VTI1A: variants seen among roughly 807,000 people sequenced by gnomAD.
The protein encoded by VTI1A is vesicle transport through interaction with t-SNAREs homolog 1A.
VTI1A carries 22 observed loss-of-function variants against 34.9 expected under a neutral mutation model. The ratio of observed to expected loss-of-function variants is 0.63; its 90% CI spans 0.45 to 0.90. The LOEUF (loss-of-function observed/expected upper bound fraction) is 0.90. Among genes scored for constraint, VTI1A ranks in the 40% least tolerant of loss-of-function variants. The probability of loss-of-function intolerance (pLI) is 0.00; values close to 1 mark genes in which losing one functional copy is unlikely to be tolerated. For missense variants in VTI1A, 268 were observed against 275.6 expected (o/e 0.97, Z 0.20); for synonymous variants, 87 against 97.3 (o/e 0.89, Z 0.62).
rs577697150 is a variant in VTI1A at position 112,533,542 on chromosome 10, C to T, written c.343-4704C>T. On this transcript the variant is annotated intron_variant, in intron 4 of 7. Coordinates refer to ENST00000393077, the MANE Select transcript of VTI1A (RefSeq NM_145206.4). ...ATTCATGTTGCAGTTGATAAAATTA[C>T]GTGAAGAGGTGAGTACTTCCTAGCT... 223 of 1,010,110 alleles carry T rather than the reference C, an allele frequency of 2.2e-4. 1 individual carries two copies. In the African/African-American group the frequency reaches 3.5e-3, roughly 16 times the overall value. 62.6% of individuals were successfully genotyped at this position (1,010,110 alleles called of 1,614,324 possible).
intron 5 of VTI1A, among the ~76,000 whole-genome samples, chr10:112,604,857 T>C (rs988817696): frequency 6.6e-6 from 1 of 152,182 alleles, no homozygotes; most frequent in African/African-American, 2.4e-5. Context: ...CTCACTTAGG[T>C]AAATGAAGTA....
chr10:112,569,118 G>T (rs1273027652), intron 5 of VTI1A, among the ~76,000 whole-genome samples: 3 of 151,680 alleles, frequency 2.0e-5, no homozygotes, highest in Non-Finnish European at 2.9e-5. Context: ...TCGTGCCACT[G>T]CCCTGCAGCG....
intron 5 of VTI1A, among the ~76,000 whole-genome samples, chr10:112,589,500 G>T (rs748093960): frequency 1.1e-4 from 16 of 152,240 alleles, no homozygotes; most frequent in Non-Finnish European, 2.2e-4. Flanking sequence ...GCCCAGTCTT[G>T]GGTATGTCTT....
At chr10:112,721,353 T>TA (rs1404391209) in intron 7 of VTI1A, among the ~76,000 whole-genome samples, 2 of 152,202 alleles carry the variant, frequency 1.3e-5, no homozygotes, top group African/African-American at 2.4e-5. Context: ...ACTTCAGAAG[T>TA]AGAATATATG....
intron 7 of VTI1A, among the ~76,000 whole-genome samples, chr10:112,757,191 A>ACAGT (rs755886313): frequency 6.6e-6 from 1 of 152,068 alleles, no homozygotes; most frequent in Admixed American, 6.6e-5. Context: ...TAGCAGAGAG[A>ACAGT]CAGTCAGTCA....
chr10:112,816,709 T>C lies in VTI1A; in HGVS notation c.*1326T>C, dbSNP rs1343597088. 4.4e-6 allele frequency: 1 copy of C among 226,250 alleles called. No homozygotes were observed. Among genetic ancestry groups the C allele is most frequent in the Admixed American group, 5.7e-5 (1 of 17,548 alleles). 14.0% of individuals were successfully genotyped at this position (226,250 alleles called of 1,614,324 possible). A position where few individuals can be genotyped will look rare whatever the true frequency, so the allele number is the denominator to read the frequency against. ...ACTGGTCCGTACTATCTTTGGAATA[T>C]AATTAGAAGCTTTGAATCCTTGAAA... On this transcript the variant is annotated 3_prime_UTR_variant, in exon 8 of 8. Coordinates refer to ENST00000393077, the MANE Select transcript of VTI1A (RefSeq NM_145206.4).
chr10:112,582,197 TAGAA>T (rs1843973601), intron 5 of VTI1A, among the ~76,000 whole-genome samples: 1 of 152,096 alleles, frequency 6.6e-6, no homozygotes, highest in South Asian at 2.1e-4. Context: ...GTCGTGGAGT[TAGAA>T]AGAGAGAGAA....
chr10:112,627,653 A>G (rs1170295495), intron 5 of VTI1A, among the ~76,000 whole-genome samples: 2 of 152,144 alleles, frequency 1.3e-5, no homozygotes, highest in Non-Finnish European at 2.9e-5. Context: ...GCACACATAC[A>G]TGTGCATATA....
chr10:112,690,670 T>A (rs1051151694), intron 7 of VTI1A, among the ~76,000 whole-genome samples: 2 of 152,210 alleles, frequency 1.3e-5, no homozygotes, highest in African/African-American at 4.8e-5. Flanking sequence ...CTCTCTGAAT[T>A]CGCTTCTTCA....
intron 5 of VTI1A, among the ~76,000 whole-genome samples, chr10:112,627,991 G>A (rs7095271): frequency 0.98 from 149,297 of 152,300 alleles, 73,227 homozygotes; most frequent in East Asian, 1. Flanking sequence ...AGCCCCGCGC[G>A]TGTGTTGGAG....
chr10:112,693,540 T>G (rs545236354), intron 7 of VTI1A, among the ~76,000 whole-genome samples: 1 of 152,178 alleles, frequency 6.6e-6, no homozygotes, highest in South Asian at 2.1e-4. Flanking sequence ...ATATTGAAAC[T>G]CTGTCTAAAA....
chr10:112,632,794 T>C (rs1386752914), intron 5 of VTI1A, among the ~76,000 whole-genome samples: 2 of 152,152 alleles, frequency 1.3e-5, no homozygotes, highest in Admixed American at 1.3e-4. Context: ...ACAGTGCTTG[T>C]GGATTGGTTT....
chr10:112,540,454 A>T (rs1564819022), intron 5 of VTI1A, among the ~76,000 whole-genome samples: 1 of 152,208 alleles, frequency 6.6e-6, no homozygotes. Flanking sequence ...AGAATACAAG[A>T]CCAAGTCTGG....
intron 7 of VTI1A, among the ~76,000 whole-genome samples, chr10:112,797,740 T>G (rs1435410559): frequency 6.6e-6 from 1 of 152,156 alleles, no homozygotes; most frequent in African/African-American, 2.4e-5. Flanking sequence ...TGCCTGTGTA[T>G]GAACCTGTCT....
chr10:112,474,220 C>T (rs1848201435), intron 3 of VTI1A, among the ~76,000 whole-genome samples: 1 of 152,060 alleles, frequency 6.6e-6, no homozygotes, highest in Non-Finnish European at 1.5e-5. Context: ...CGCCACCACA[C>T]CTGGCTAATT....
chr10:112,547,593 CATAATA>C (rs1336992012), intron 5 of VTI1A, among the ~76,000 whole-genome samples: 1 of 151,834 alleles, frequency 6.6e-6, no homozygotes, highest in South Asian at 2.1e-4. Flanking sequence ...TAATCATAAT[CATAATA>C]ATAATAATTT....
At position 112,751,332 on chromosome 10, in the gene VTI1A, C is replaced by T. The variant is rs113178408; in HGVS notation, c.561-63958C>T. Reference sequence around the variant, plus strand: ...CAGGGCACGTAGAGAGAGCAGGCTACTTGAGGGCAGGGAGTAGACCACCGC... The same window carrying T: ...CAGGGCACGTAGAGAGAGCAGGCTATTTGAGGGCAGGGAGTAGACCACCGC... On this transcript the variant is annotated intron_variant, in intron 7 of 7. Transcript: ENST00000393077. 1.3e-4 allele frequency among the ~76,000 whole-genome samples: 20 copies of T among 152,198 alleles called. 1 individual carries two copies. The highest frequency in any genetic ancestry group is 4.8e-4 in the African/African-American group (20 of 41,512).
intron 5 of VTI1A, among the ~76,000 whole-genome samples, chr10:112,655,026 A>G (rs1847177768): frequency 6.6e-6 from 1 of 152,218 alleles, no homozygotes. Context: ...AAACTGCCCT[A>G]GATTGCCAAC....
intron 4 of VTI1A, among the ~76,000 whole-genome samples, chr10:112,537,311 G>GTATGTATATATATATATATATA (rs1554898568): frequency 1.5e-5 from 1 of 65,222 alleles, no homozygotes; most frequent in African/African-American, 4.5e-5. Flanking sequence ...AAGTATCTAG[G>GTATGTATATATATATATATATA]TATATATATA....
Sources: allele counts gnomAD v4.1 joint callset (sites outside exome capture counted in the v4.1 genomes callset), GRCh38; gene constraint gnomAD v4.1.1; transcripts MANE v1.5; gene names NCBI Gene and HGNC (gene_info 2026-07-23, HGNC 2026-07-21).